RFX3: variants seen among roughly 807,000 people sequenced by gnomAD.
RFX3 encodes regulatory factor X3.
In RFX3, 14 loss-of-function variants were observed where a neutral mutation model predicts 98.6. The observed-to-expected ratio is 0.14, with a 90% CI of 0.09 to 0.22. The LOEUF (loss-of-function observed/expected upper bound fraction) is 0.22, where lower values mean the gene tolerates loss of function less well. RFX3 is among the 10% of genes least tolerant of loss of function. The pLI is 1.00. For missense variants in RFX3, 639 were observed against 926.9 expected, an observed-to-expected ratio of 0.69 and a Z score of 4.03; for synonymous variants, 383 against 328.4, an observed-to-expected ratio of 1.17 and a Z score of -1.80.
rs370003330 is a variant in RFX3 at position 3,370,137 on chromosome 9, A to G, written c.118-23373T>C. Among the ~76,000 whole-genome samples, 199 of 150,618 alleles carry G rather than the reference A, an allele frequency of 1.3e-3. 1 individual carries two copies. The highest frequency in any genetic ancestry group is 4.4e-3 in the African/African-American group (180 of 41,028). On this transcript the variant is annotated intron_variant, in intron 2 of 16. Coordinates refer to ENST00000617270, the MANE Select transcript of RFX3 (RefSeq NM_001282116.2). ...ATTACAGGCTTGAGCCACCACGCCC[A>G]GCCCAGAGCAGTTTTTTTAAGACTG...
intron 1 of RFX3, among the ~76,000 whole-genome samples, chr9:3,403,400 C>T (rs1006666096): frequency 6.6e-6 from 1 of 152,000 alleles, no homozygotes; most frequent in African/African-American, 2.4e-5. Context: ...TGACTGTGTA[C>T]AATAAATCTT....
At chr9:3,398,906 G>A (rs1372330393) in intron 1 of RFX3, among the ~76,000 whole-genome samples, 1 of 74,338 alleles carries the variant, frequency 1.3e-5, no homozygotes. Context: ...CTAAAACTTA[G>A]AGTATAATAA....
intron 4 of RFX3, among the ~76,000 whole-genome samples, chr9:3,306,235 C>G (rs1254706482): frequency 6.6e-6 from 1 of 151,958 alleles, no homozygotes; most frequent in African/African-American, 2.4e-5. Context: ...CTAACCTCAA[C>G]AAAGATATTA....
intron 1 of RFX3, among the ~76,000 whole-genome samples, chr9:3,438,982 C>G (rs547082505): frequency 1.3e-4 from 20 of 151,958 alleles, no homozygotes; most frequent in African/African-American, 4.3e-4. Context: ...GTTATCTGCT[C>G]ACAATTGAAC....
In RFX3 at chr9:3,449,159, G is replaced by T. The variant is rs377508079; in HGVS notation, c.-8-53563C>A. Among the ~76,000 whole-genome samples, 97 of 152,280 alleles carry T rather than the reference G, an allele frequency of 6.4e-4. 2 individuals carry two copies. The South Asian group carries it at 0.017, about 26-fold the overall frequency. ...CAAAGAATAGAGGTAAGAATTAAAT[G>T]ATATCATATTAATACATAGGAGAGC... On this transcript the variant is annotated intron_variant, in intron 1 of 16. Transcript: ENST00000617270.
intron 15 of RFX3, among the ~76,000 whole-genome samples, chr9:3,238,876 C>T (rs553994758): frequency 1.3e-5 from 2 of 151,778 alleles, no homozygotes; most frequent in African/African-American, 4.8e-5. Context: ...GCCTATAATC[C>T]CAGCTACTCG....
intron 1 of RFX3, among the ~76,000 whole-genome samples, chr9:3,492,280 A>G (rs1274398633): frequency 1.3e-5 from 2 of 152,156 alleles, no homozygotes; most frequent in African/African-American, 2.4e-5. Flanking sequence ...ACATTTTCTC[A>G]TACCCCATAA....
Position 3,376,548 on chromosome 9 carries a change from T to G in RFX3, c.117+18924A>C, listed in dbSNP as rs574713846. ...ATTATGATGAGTGCAAGAAGCCAGC[T>G]TGCACAAAAGAACATATGTTGTACA... On this transcript the variant is annotated intron_variant, in intron 2 of 16. Coordinates refer to ENST00000617270, the MANE Select transcript of RFX3 (RefSeq NM_001282116.2). 1.4e-4 allele frequency among the ~76,000 whole-genome samples: 22 copies of G among 152,264 alleles called. No individual in the cohort carries two copies. In the South Asian group the frequency reaches 2.1e-3, roughly 14 times the overall value.
chr9:3,347,264 T>C (rs111875267), intron 2 of RFX3, among the ~76,000 whole-genome samples: 1 of 151,430 alleles, frequency 6.6e-6, no homozygotes, highest in Non-Finnish European at 1.5e-5. Flanking sequence ...GAGGTTGCAG[T>C]GAGCCAAGAT....
At chr9:3,309,331 G>C (rs1468877163) in intron 4 of RFX3, among the ~76,000 whole-genome samples, 9 of 152,160 alleles carry the variant, frequency 5.9e-5, no homozygotes, top group Admixed American at 5.9e-4. Context: ...GGAAGAACCT[G>C]TAGGGTACAG....
intron 13 of RFX3, among the ~76,000 whole-genome samples, chr9:3,259,443 G>A (rs866066697): frequency 5.4e-4 from 82 of 150,924 alleles, no homozygotes; most frequent in African/African-American, 1.9e-3. Context: ...CTTGTGAAAC[G>A]AATGTAGATA....
At chr9:3,307,480 A>G (rs190611045) in intron 4 of RFX3, among the ~76,000 whole-genome samples, 14 of 152,264 alleles carry the variant, frequency 9.2e-5, no homozygotes, top group African/African-American at 3.1e-4. Context: ...TCCAGGATTG[A>G]GGTGAGAAAC....
chr9:3,469,666 T>C (rs568191371), intron 1 of RFX3, among the ~76,000 whole-genome samples: 32 of 152,234 alleles, frequency 2.1e-4, no homozygotes, highest in Admixed American at 1.6e-3. Context: ...ACTGTCCAGT[T>C]AGCTTTCAAA....
At chr9:3,446,202 G>A (rs996843394) in intron 1 of RFX3, among the ~76,000 whole-genome samples, 1 of 152,012 alleles carries the variant, frequency 6.6e-6, no homozygotes, top group African/African-American at 2.4e-5. Flanking sequence ...GTTACTGGGG[G>A]AGTATATAAA....
At position 3,277,486 on chromosome 9, in the gene RFX3, CAAAT is replaced by C. The variant is rs1825386886; in HGVS notation, c.852-29_852-26del. ...CCTAAAAATATTAGATGGAAAAAAACAAATAAACCAAATTATTCCTTGCTTTTTT... is the reference window on the plus strand; with the variant it reads ...CCTAAAAATATTAGATGGAAAAAAACAAACCAAATTATTCCTTGCTTTTTT... On this transcript the variant is annotated intron_variant, in intron 7 of 16. Transcript: ENST00000617270. 1.9e-6 allele frequency: 3 copies of C among 1,601,346 alleles called. No individual in the cohort carries two copies. The East Asian group carries it at 6.7e-5, about 36-fold the overall frequency.
At chr9:3,395,440 C>T in intron 2 of RFX3, 32 bp downstream of exon 2, 1 of 1,605,472 alleles carries the variant, frequency 6.2e-7, no homozygotes, top group African/African-American at 1.3e-5. Flanking sequence ...ATGAAAGTAA[C>T]AGCATCTTTT....
rs1318721606 is a variant in RFX3 at position 3,321,667 on chromosome 9, T to C, written c.474+8592A>G. Reference sequence around the variant, plus strand: ...TTGTTTCACCATTGCCTTTGTTTATTGTGGTTTTCTCAGCAGGATGTTTTC... The same window carrying C: ...TTGTTTCACCATTGCCTTTGTTTATCGTGGTTTTCTCAGCAGGATGTTTTC... On this transcript the variant is annotated intron_variant, in intron 4 of 16. Coordinates refer to ENST00000617270, the MANE Select transcript of RFX3 (RefSeq NM_001282116.2). 2.0e-5 allele frequency among the ~76,000 whole-genome samples: 3 copies of C among 152,200 alleles called. No individual in the cohort carries two copies. The East Asian group carries it at 5.8e-4, about 29-fold the overall frequency.
chr9:3,224,773 C>A lies in RFX3; in HGVS notation c.*269G>T. On this transcript the variant is annotated 3_prime_UTR_variant, in exon 17 of 17. Transcript: ENST00000617270. The stretch of plus-strand genomic sequence containing the variant: ...AAATTACTTTTTAATTATAAGAAAA[C>A]AAAACATTGACATTAAGTGTTGTAA... 1.0e-5 allele frequency: 3 copies of A among 291,336 alleles called. No individual in the cohort carries two copies. The highest frequency in any genetic ancestry group is 1.1e-4 in the South Asian group (1 of 9,154). The allele number at this position is 291,336 out of a possible 1,614,324, so 18.0% of individuals were successfully genotyped here.
chr9:3,447,594 C>T (rs563908292), intron 1 of RFX3, among the ~76,000 whole-genome samples: 22 of 152,220 alleles, frequency 1.4e-4, no homozygotes, highest in African/African-American at 4.6e-4. Flanking sequence ...CACAGGTTAA[C>T]AAAAGGAGGT....
Sources: allele counts gnomAD v4.1 joint callset (sites outside exome capture counted in the v4.1 genomes callset), GRCh38; gene constraint gnomAD v4.1.1; transcripts MANE v1.5; gene names NCBI Gene and HGNC (gene_info 2026-07-23, HGNC 2026-07-21).